The following ZGRF1 variants were observed in gnomAD, a reference collection of about 807,000 sequenced individuals.
ZGRF1 encodes zinc finger GRF-type containing 1.
Under a neutral mutation model 203.5 loss-of-function variants are expected in ZGRF1, and 196 were observed. That is an observed-to-expected ratio of 0.96 (90% CI 0.86 to 1.08). The LOEUF (loss-of-function observed/expected upper bound fraction) is 1.08, where lower values mean the gene tolerates loss of function less well. Ranked by LOEUF, ZGRF1 falls within the 50% of genes least tolerant of loss-of-function variation. The pLI is 0.00. For synonymous variants in ZGRF1, 809 were observed against 841.3 expected (o/e 0.96, Z 0.66); for missense variants, 2,326 against 2,416.3 (o/e 0.96, Z 0.78).
intron 18 of ZGRF1, 118 bp downstream of exon 18, chr4:112,562,253 G>T: frequency 1.5e-6 from 1 of 656,242 alleles, no homozygotes. Context: ...GTCATAGTCT[G>T]AAAAATAATT....
chr4:112,540,135 A>G lies in ZGRF1; in HGVS notation c.5911-11T>C. On this transcript the variant is annotated splice_polypyrimidine_tract_variant and intron_variant, in intron 26 of 27. Transcript: ENST00000505019. ...GAGTAAATGACAAAGCTGTGGAAGA[A>G]AAAACAGCAATCATGTAGTAAGAGA... 1 of 1,522,882 alleles carries G rather than the reference A, an allele frequency of 6.6e-7. No individual in the cohort carries two copies. Among genetic ancestry groups the G allele is most frequent in the Non-Finnish European group, 8.8e-7 (1 of 1,130,830 alleles). 94.3% of individuals were successfully genotyped at this position (1,522,882 alleles called of 1,614,324 possible).
intron 7 of ZGRF1, among the ~76,000 whole-genome samples, chr4:112,610,253 G>A (rs913172177): frequency 6.6e-6 from 1 of 152,174 alleles, no homozygotes; most frequent in Non-Finnish European, 1.5e-5. Flanking sequence ...TATTCTAATT[G>A]TAAAACATTA....
chr4:112,632,109 C>A (rs1320381067), intron 2 of ZGRF1, 99 bp from the exon 3 acceptor site: 14 of 505,810 alleles, frequency 2.8e-5, no homozygotes, highest in Admixed American at 4.4e-5. Flanking sequence ...ATTTAAGGCA[C>A]CTTTCATCAA....
At chr4:112,604,725 A>G (rs1029199512) in intron 9 of ZGRF1, among the ~76,000 whole-genome samples, 3 of 152,156 alleles carry the variant, frequency 2.0e-5, no homozygotes, top group Non-Finnish European at 4.4e-5. Context: ...CAATGTAGAC[A>G]TGTTCCTTAG....
rs1253371055 is a variant in ZGRF1 at position 112,619,670 on chromosome 4, C to G, written c.372G>C (p.Gln124His). The G allele has an allele frequency of 6.2e-7, 1 of 1,604,660 alleles. No individual in the cohort carries two copies. The highest frequency in any genetic ancestry group is 1.7e-5 in the Admixed American group (1 of 57,692). ...RKFTGFQGPR[Q>H]VPKKMVIMES... ...CCATAATAACCATTTTCTTTGGAAC[C>G]TGACGTGGTCCTTGAAAACCCTGAA... The change falls in exon 6 of 28, where the codon CAG becomes CAC. Residue 124 changes from glutamine (Q) to histidine (H), a missense_variant. Transcript: ENST00000505019.
chr4:112,632,390 C>T lies in ZGRF1; in HGVS notation c.22-380G>A, dbSNP rs906742164. Reference sequence around the variant, plus strand: ...AAGGGAAAAAAATTACTGGATTACACAGTACTAATAATCTGTGCAGTTCTC... The same window carrying T: ...AAGGGAAAAAAATTACTGGATTACATAGTACTAATAATCTGTGCAGTTCTC... On this transcript the variant is annotated intron_variant, in intron 2 of 27. Coordinates refer to ENST00000505019, the MANE Select transcript of ZGRF1 (RefSeq NM_018392.5). 1.3e-5 allele frequency among the ~76,000 whole-genome samples: 2 copies of T among 152,138 alleles called. 1 individual carries two copies. Among genetic ancestry groups the T allele is most frequent in the Admixed American group, 1.3e-4 (2 of 15,270 alleles).
At position 112,636,885 on chromosome 4, in the gene ZGRF1, T is replaced by C. The variant is rs1305558562; in HGVS notation, c.-101A>G. ...TGCACAAAATCCACTTTCGAATTTC[T>C]CCCGCGAAACAACGTGACGTCATTA... On this transcript the variant is annotated 5_prime_UTR_variant, in exon 1 of 28. Coordinates refer to ENST00000505019, the MANE Select transcript of ZGRF1 (RefSeq NM_018392.5). 6.6e-6 allele frequency: 1 copy of C among 152,140 alleles called. No homozygotes were observed. Among genetic ancestry groups the C allele is most frequent in the African/African-American group, 2.4e-5 (1 of 41,400 alleles). 9.4% of individuals were successfully genotyped at this position (152,140 alleles called of 1,614,324 possible). A position where few individuals can be genotyped will look rare whatever the true frequency, so the allele number is the denominator to read the frequency against.
chr4:112,621,725 G>T (rs1299420044), intron 4 of ZGRF1, among the ~76,000 whole-genome samples: 3 of 105,836 alleles, frequency 2.8e-5, no homozygotes, highest in Non-Finnish European at 5.7e-5. Flanking sequence ...TTTTACTAAT[G>T]AAATGATTTT....
chr4:112,552,290 A>AT lies in ZGRF1; in HGVS notation c.5346+1544_5346+1545insA, dbSNP rs1351191566. Among the ~76,000 whole-genome samples, 155 of 151,122 alleles carry AT rather than the reference A, an allele frequency of 1.0e-3. 1 individual carries two copies. Among genetic ancestry groups the AT allele is most frequent in the East Asian group, 2.1e-3 (11 of 5,138 alleles). On this transcript the variant is annotated intron_variant, in intron 22 of 27. Coordinates refer to ENST00000505019, the MANE Select transcript of ZGRF1 (RefSeq NM_018392.5). ...AGACTCTGGCTCAAAAAAAAAAAAA[A>AT]AGAAAGAAAGAAATGTGTCAGGTCC... is the stretch of plus-strand genomic sequence containing the variant.
rs35757277 is a variant in ZGRF1 at position 112,625,585 on chromosome 4, C to CAA, written c.103-1711_103-1710dup. On this transcript the variant is annotated intron_variant, in intron 3 of 27. Transcript: ENST00000505019. Reference sequence around the variant, plus strand: ...TGGGCGACAGAGCGAGATTCCGTCTCAAAAAAAAAAAAAAAAGAAAAGAAA... The same window carrying CAA: ...TGGGCGACAGAGCGAGATTCCGTCTCAAAAAAAAAAAAAAAAAAGAAAAGAAA... Among the ~76,000 whole-genome samples, 265 of 102,304 alleles carry CAA rather than the reference C, an allele frequency of 2.6e-3. 2 individuals are homozygous for CAA. The highest frequency in any genetic ancestry group is 5.8e-3 in the South Asian group (18 of 3,078). 67.1% of individuals were successfully genotyped at this position (102,304 alleles called of 152,430 possible). A position where few individuals can be genotyped will look rare whatever the true frequency, so the allele number is the denominator to read the frequency against.
In ZGRF1 at chr4:112,563,264, C is replaced by T; in HGVS notation, c.4449G>A (p.Trp1483Ter). The part of the protein sequence containing the change: ...RSSAYSKNDL[W>*]VVSKTLDFEL... ...CAAAGTCTAGGGTTTTTGAAACCACCCAAAGATCATCTGAAAAGACAAACA... is the reference window on the plus strand; with the variant it reads ...CAAAGTCTAGGGTTTTTGAAACCACTCAAAGATCATCTGAAAAGACAAACA... The change falls in exon 17 of 28, where the codon TGG becomes TGA. Residue 1483 changes from tryptophan to a stop codon, truncating the protein, a stop_gained. Coordinates refer to ENST00000505019, the MANE Select transcript of ZGRF1 (RefSeq NM_018392.5). LOFTEE classifies it high-confidence loss of function. The T allele has an allele frequency of 6.5e-7, 1 of 1,549,958 alleles. No individual in the cohort carries two copies. The highest frequency in any genetic ancestry group is 8.7e-7 in the Non-Finnish European group (1 of 1,146,184).
intron 7 of ZGRF1, among the ~76,000 whole-genome samples, chr4:112,612,177 G>C (rs1033788238): frequency 3.3e-5 from 5 of 152,066 alleles, no homozygotes; most frequent in Non-Finnish European, 5.9e-5. Context: ...CATCAGCCAG[G>C]CTGGTCTCGA....
intron 16 of ZGRF1, among the ~76,000 whole-genome samples, chr4:112,573,167 T>TACACAC (rs145611842): frequency 0.11 from 16,621 of 145,468 alleles, 1,018 homozygotes; most frequent in Non-Finnish European, 0.13. Flanking sequence ...GAAATTGTGA[T>TACACAC]ACACACACAC....
rs574605758 is a variant in ZGRF1, at chr4:112,572,466, C to T, written c.4439-9192G>A. On this transcript the variant is annotated intron_variant, in intron 16 of 27. Coordinates refer to ENST00000505019, the MANE Select transcript of ZGRF1 (RefSeq NM_018392.5). ...TAAAAATTCTAGAACATCAGAAAAA[C>T]CCTTCTGACTTTGGCTTAGGCTAAG... 2.0e-5 allele frequency among the ~76,000 whole-genome samples: 3 copies of T among 152,236 alleles called. No individual in the cohort carries two copies. The South Asian group carries it at 6.2e-4, about 32-fold the overall frequency.
At chr4:112,621,143 A>G (rs2149170780) in intron 4 of ZGRF1, among the ~76,000 whole-genome samples, 1 of 152,336 alleles carries the variant, frequency 6.6e-6, no homozygotes, top group South Asian at 2.1e-4. Flanking sequence ...CCCCCTCCCA[A>G]GCAATTCACT....
chr4:112,574,331 T>G (rs1744752597), intron 16 of ZGRF1, among the ~76,000 whole-genome samples: 1 of 152,116 alleles, frequency 6.6e-6, no homozygotes, highest in African/African-American at 2.4e-5. Flanking sequence ...TGTAGCAACA[T>G]ACTAACCAAA....
intron 16 of ZGRF1, among the ~76,000 whole-genome samples, chr4:112,566,418 C>T (rs1477798186): frequency 3.0e-3 from 409 of 138,542 alleles, no homozygotes; most frequent in Admixed American, 3.2e-3. Flanking sequence ...TGCAGCACAC[C>T]AGCATGGCAC....
intron 6 of ZGRF1, among the ~76,000 whole-genome samples, chr4:112,614,890 T>C (rs536681122): frequency 1.3e-5 from 2 of 152,252 alleles, no homozygotes; most frequent in South Asian, 4.2e-4. Flanking sequence ...AAGACTGTGA[T>C]ATTCCTTATG....
intron 16 of ZGRF1, among the ~76,000 whole-genome samples, chr4:112,564,532 A>G (rs1560769431): frequency 6.6e-6 from 1 of 152,244 alleles, no homozygotes; most frequent in Non-Finnish European, 1.5e-5. Context: ...AAGACTGAAT[A>G]TATCTAGTAA....
Sources: allele counts gnomAD v4.1 joint callset (sites outside exome capture counted in the v4.1 genomes callset), GRCh38; gene constraint gnomAD v4.1.1; transcripts MANE v1.5; gene names NCBI Gene and HGNC (gene_info 2026-07-23, HGNC 2026-07-21).